The following SDK2 variants were observed in gnomAD, a reference collection of about 807,000 sequenced individuals.
The protein encoded by SDK2 is sidekick cell adhesion molecule 2.
Under a neutral mutation model 253.9 loss-of-function variants are expected in SDK2, and 105 were observed. The observed-to-expected ratio is 0.41, with a 90% CI of 0.35 to 0.49. The LOEUF is 0.49. SDK2 is among the 20% of genes least tolerant of loss of function. SDK2 has a pLI of 0.06. For missense variants in SDK2, 2,608 were observed against 3,003.0 expected, an observed-to-expected ratio of 0.87 and a Z score of 3.07; for synonymous variants, 1,249 against 1,234.9, an observed-to-expected ratio of 1.01 and a Z score of -0.24.
chr17:73,368,559 G>C lies in SDK2; in HGVS notation c.5015C>G (p.Thr1672Arg). ...CAGGAAAAGCGTCTTCACTCGCTCTGTGAGGTTCCCCCGCTGGGCTTCCCA... is the reference window on the plus strand; with the variant it reads ...CAGGAAAAGCGTCTTCACTCGCTCTCTGAGGTTCCCCCGCTGGGCTTCCCA... ...YFWEAQRGNLTERVKTLFLAE... is the reference protein window; with the variant it reads ...YFWEAQRGNLRERVKTLFLAE... Residue 1672 changes from threonine (T) to arginine (R), a missense_variant, in exon 37 of 45, where the codon ACA (threonine) becomes AGA (arginine). Physicochemically the swap from Thr to Arg is moderately conservative, Grantham distance 71. Around this residue, in one of 2 missense-constraint regions of SDK2, gnomAD observed 1,103 missense variants for 1,143.9 expected, o/e 0.96. Transcript: ENST00000392650. 1.2e-6 allele frequency: 2 copies of C among 1,602,994 alleles called. No individual in the cohort carries two copies. The highest frequency in any genetic ancestry group is 1.7e-6 in the Non-Finnish European group (2 of 1,175,408).
chr17:73,636,430 G>A (rs1176527400), intron 1 of SDK2, among the ~76,000 whole-genome samples: 1 of 152,116 alleles, frequency 6.6e-6, no homozygotes, highest in Non-Finnish European at 1.5e-5. Context: ...GCTCATGCCT[G>A]CAATCCCAGC....
chr17:73,342,463 G>T (rs758750733), intron 44 of SDK2, among the ~76,000 whole-genome samples: 1 of 152,324 alleles, frequency 6.6e-6, no homozygotes, highest in East Asian at 1.9e-4. Flanking sequence ...CTGGAGCAGC[G>T]GGGATCTGTG....
At position 73,552,220 on chromosome 17, in the gene SDK2, C is replaced by A. The variant is rs188711268; in HGVS notation, c.65-44623G>T. ...CTCGTCTATAATTACCAGCCTCTAG[C>A]CGGCAGCAGCAGAAACGCACTAAAA... On this transcript the variant is annotated intron_variant, in intron 1 of 44. Transcript: ENST00000392650. 9.4e-4 allele frequency among the ~76,000 whole-genome samples: 143 copies of A among 152,338 alleles called. 1 individual carries two copies. The highest frequency in any genetic ancestry group is 3.2e-3 in the African/African-American group (134 of 41,574).
At chr17:73,489,994 C>A (rs2145727160) in intron 2 of SDK2, among the ~76,000 whole-genome samples, 1 of 152,248 alleles carries the variant, frequency 6.6e-6, no homozygotes, top group East Asian at 1.9e-4. Flanking sequence ...GTGGATTTAC[C>A]ATCATGAGAA....
At chr17:73,397,209 T>C (rs2062978226) in intron 24 of SDK2, among the ~76,000 whole-genome samples, 1 of 152,178 alleles carries the variant, frequency 6.6e-6, no homozygotes, top group Non-Finnish European at 1.5e-5. Context: ...CCACATTTAT[T>C]TGTCTAAGAA....
intron 1 of SDK2, among the ~76,000 whole-genome samples, chr17:73,573,655 C>A (rs2045418245): frequency 6.6e-6 from 1 of 152,240 alleles, no homozygotes; most frequent in Non-Finnish European, 1.5e-5. Flanking sequence ...TGGACCACAG[C>A]CTCCTCCCAG....
chr17:73,521,071 C>T (rs1029805151), intron 1 of SDK2: 5 of 144,520 alleles, frequency 3.5e-5, no homozygotes, highest in Middle Eastern at 3.8e-3. Flanking sequence ...GACCGGGTCT[C>T]GCTCTGCTGC....
intron 44 of SDK2, among the ~76,000 whole-genome samples, chr17:73,339,226 TTTG>T (rs1321318051): frequency 4.9e-5 from 7 of 141,928 alleles, no homozygotes; most frequent in Admixed American, 1.4e-4. Context: ...TTTTTTTGTT[TTTG>T]TTTTTGTTTT....
At chr17:73,630,968 G>A (rs977460994) in intron 1 of SDK2, among the ~76,000 whole-genome samples, 3 of 152,050 alleles carry the variant, frequency 2.0e-5, no homozygotes, top group African/African-American at 7.2e-5. Context: ...AGGAGGAAGG[G>A]GTTAAATGCC....
At chr17:73,391,380 T>C in intron 28 of SDK2, 60 bp downstream of exon 28, 2 of 1,025,438 alleles carry the variant, frequency 2.0e-6, no homozygotes, top group Non-Finnish European at 2.6e-6. Flanking sequence ...GTGGCCTCCT[T>C]TGCAGCTCAT....
At chr17:73,448,293 A>C (rs764361470) in intron 4 of SDK2, among the ~76,000 whole-genome samples, 1 of 152,228 alleles carries the variant, frequency 6.6e-6, no homozygotes, top group Non-Finnish European at 1.5e-5. Context: ...ATGGACTCAA[A>C]GGCCACAGGT....
rs748016312 is a variant in SDK2, at chr17:73,395,281, C to T, written c.3466G>A (p.Val1156Met). The T allele has an allele frequency of 6.2e-7, 1 of 1,613,988 alleles. No individual in the cohort carries two copies. The highest frequency in any genetic ancestry group is 1.7e-5 in the Admixed American group (1 of 60,022). ...KTLSHVVQDR[V>M]ERDYTIEDLE... ...TCCTCGATGGTGTAGTCCCGCTCCA[C>T]ACGGTCCTGCACCACGTGGCTCAGC... Residue 1156 changes from valine to methionine, a missense_variant, in exon 25 of 45, where the codon GTG becomes ATG. By Grantham distance (21) the Val-to-Met change is conservative (BLOSUM62 1). Transcript: ENST00000392650. The surrounding 1 kb of genome is among the most constrained non-coding windows in gnomAD (Gnocchi z 4.3).
rs2143115715 is a variant in SDK2, at chr17:73,609,787, A to T, written c.64+34238T>A. 6.6e-6 allele frequency among the ~76,000 whole-genome samples: 1 copy of T among 152,290 alleles called. No individual in the cohort carries two copies. Among genetic ancestry groups the T allele is most frequent in the South Asian group, 2.1e-4 (1 of 4,826 alleles). On this transcript the variant is annotated intron_variant, in intron 1 of 44. Transcript: ENST00000392650. The surrounding 1 kb of genome is among the most constrained non-coding windows in gnomAD (Gnocchi z 4.4). ...AGGGAACTGCTGGGGCCAAAGTGGG[A>T]AAGAGAAGTTGCATGAGAACCTCCA...
At chr17:73,562,780 G>A (rs1015505680) in intron 1 of SDK2, among the ~76,000 whole-genome samples, 1 of 152,202 alleles carries the variant, frequency 6.6e-6, no homozygotes, top group African/African-American at 2.4e-5. Context: ...AGGCGCCACG[G>A]GCTGCTGGAA....
At chr17:73,401,842 G>A (rs1237609977) in intron 19 of SDK2, 90 bp from the exon 20 acceptor site, 4 of 1,409,552 alleles carry the variant, frequency 2.8e-6, no homozygotes, top group East Asian at 2.5e-5. Context: ...TAATCTGGGG[G>A]TATCTCAGCC....
intron 3 of SDK2, among the ~76,000 whole-genome samples, chr17:73,468,496 T>A (rs1232056307): frequency 6.6e-6 from 1 of 152,034 alleles, no homozygotes; most frequent in African/African-American, 2.4e-5. Context: ...TCTGTCTGAC[T>A]CCAAAGTCCA....
chr17:73,369,449 G>A (rs1428977807), intron 36 of SDK2, among the ~76,000 whole-genome samples: 2 of 152,234 alleles, frequency 1.3e-5, no homozygotes, highest in Non-Finnish European at 2.9e-5. Flanking sequence ...CAGCTGCACC[G>A]CATACAGCAG....
chr17:73,514,318 C>G (rs1472337586), intron 1 of SDK2, among the ~76,000 whole-genome samples: 1 of 152,208 alleles, frequency 6.6e-6, no homozygotes, highest in African/African-American at 2.4e-5. Flanking sequence ...GGATCGCTGA[C>G]TGCCATCTTC....
intron 1 of SDK2, among the ~76,000 whole-genome samples, chr17:73,590,269 A>G (rs532159275): frequency 6.6e-6 from 1 of 152,242 alleles, no homozygotes; most frequent in African/African-American, 2.4e-5. Flanking sequence ...TAATCCAGGC[A>G]TGTGCTAATG....
Sources: allele counts gnomAD v4.1 joint callset (sites outside exome capture counted in the v4.1 genomes callset), GRCh38; gene constraint gnomAD v4.1.1; regional missense constraint gnomAD v4.1.1; non-coding constraint Gnocchi (gnomAD v3.1); transcripts MANE v1.5; gene names NCBI Gene and HGNC (gene_info 2026-07-23, HGNC 2026-07-21).